Variants in PROSER2 observed in about 807,000 individuals in gnomAD.
PROSER2 encodes proline and serine rich 2, also known as proline and serine-rich protein 2.
PROSER2 carries 18 observed loss-of-function variants against 14.6 expected under a neutral mutation model. The observed-to-expected ratio is 1.23, with a 90% CI of 0.85 to 1.83. The LOEUF is 1.83. PROSER2 is among the 40% of genes most tolerant of loss of function. The probability of loss-of-function intolerance (pLI) is 0.00; values close to 1 mark genes in which losing one functional copy is unlikely to be tolerated. For synonymous variants in PROSER2, 367 were observed against 286.4 expected, an observed-to-expected ratio of 1.28 and a Z score of -2.84; for missense variants, 823 against 629.8, an observed-to-expected ratio of 1.31 and a Z score of -3.28.
chr10:11,869,597 AC>A lies in PROSER2; in HGVS notation c.504del (p.Asp169IlefsTer184), dbSNP rs1174001452. On this transcript the variant is annotated frameshift_variant, in exon 4 of 4. Transcript: ENST00000277570. LOFTEE classifies it low-confidence loss of function (END_TRUNC). The surrounding 1 kb of genome is among the most constrained non-coding windows in gnomAD (Gnocchi z 4.4). ...TLLAPPPLPS[T>X]PDPPRRELRA... ...TCTTGCGCCACCACCCCTGCCTAGC[AC>A]CCCCGATCCCCCCAGGAGGGAGCTG... The A allele has an allele frequency of 5.0e-6, 8 of 1,591,330 alleles. No individual in the cohort carries two copies. The highest frequency in any genetic ancestry group is 6.9e-6 in the Non-Finnish European group (8 of 1,166,794).
At chr10:11,840,436 C>T (rs1020836574) in intron 1 of PROSER2, among the ~76,000 whole-genome samples, 3 of 152,066 alleles carry the variant, frequency 2.0e-5, no homozygotes, top group African/African-American at 7.2e-5. Context: ...TGCTACATCA[C>T]GTTGGAAAAT....
At chr10:11,829,993 G>T (rs1833669963) in intron 1 of PROSER2, among the ~76,000 whole-genome samples, 1 of 151,888 alleles carries the variant, frequency 6.6e-6, no homozygotes, top group Non-Finnish European at 1.5e-5. Flanking sequence ...ACAGGCGTGT[G>T]CCCCCATGCC....
At chr10:11,829,999 A>C (rs1207440776) in intron 1 of PROSER2, among the ~76,000 whole-genome samples, 1 of 151,722 alleles carries the variant, frequency 6.6e-6, no homozygotes. Context: ...GTGTGCCCCC[A>C]TGCCTGGCTA....
Position 11,870,335 on chromosome 10 carries a change from G to A in PROSER2, c.1237G>A (p.Gly413Ser), listed in dbSNP as rs1834458255. Residue 413 changes from glycine (G) to serine (S), a missense_variant, in exon 4 of 4, where the codon GGC (glycine) becomes AGC (serine). Physicochemically the swap from Gly to Ser is moderately conservative, Grantham distance 56. Coordinates refer to ENST00000277570, the MANE Select transcript of PROSER2 (RefSeq NM_153256.4). ...RPQGITVQFA[G>S]RGSSEEARRE... Reference sequence around the variant, plus strand: ...CCAGGGCATCACCGTGCAGTTCGCGGGCCGCGGCTCCTCGGAGGAGGCGCG... The same window carrying A: ...CCAGGGCATCACCGTGCAGTTCGCGAGCCGCGGCTCCTCGGAGGAGGCGCG... 1 of 1,506,198 alleles carries A rather than the reference G, an allele frequency of 6.6e-7. No homozygotes were observed. 93.3% of individuals were successfully genotyped at this position (1,506,198 alleles called of 1,614,324 possible).
chr10:11,844,925 C>T (rs73584750), intron 1 of PROSER2, among the ~76,000 whole-genome samples: 12 of 152,298 alleles, frequency 7.9e-5, no homozygotes, highest in African/African-American at 2.9e-4. Flanking sequence ...CCCAGCCTTC[C>T]GCATTCTTTA....
At chr10:11,861,510 G>A (rs1395046597) in intron 2 of PROSER2, among the ~76,000 whole-genome samples, 1 of 152,104 alleles carries the variant, frequency 6.6e-6, no homozygotes. Context: ...TGTGGGGGTG[G>A]GCTGAGGTTT....
At chr10:11,829,230 G>T (rs1281889544) in intron 1 of PROSER2, among the ~76,000 whole-genome samples, 2 of 151,674 alleles carry the variant, frequency 1.3e-5, no homozygotes. Flanking sequence ...ATGAACAAGG[G>T]GAAGACACCT....
At chr10:11,857,768 A>G (rs1834150873) in intron 2 of PROSER2, among the ~76,000 whole-genome samples, 1 of 150,392 alleles carries the variant, frequency 6.6e-6, no homozygotes, top group Admixed American at 6.7e-5. Context: ...AAAAAAAGAA[A>G]CCCTAATTAA....
chr10:11,827,642 A>G (rs1833634112), intron 1 of PROSER2, among the ~76,000 whole-genome samples: 1 of 150,710 alleles, frequency 6.6e-6, no homozygotes, highest in South Asian at 2.1e-4. Flanking sequence ...CAATGTGCCA[A>G]GCTGTTGAGC....
At position 11,830,117 on chromosome 10, in the gene PROSER2, A is replaced by G. The variant is rs1051662656; in HGVS notation, c.-82+6647A>G. Among the ~76,000 whole-genome samples the G allele has an allele frequency of 2.0e-5, 3 of 152,132 alleles. No homozygotes were observed. The highest frequency in any genetic ancestry group is 1.9e-4 in the East Asian group (1 of 5,188). On this transcript the variant is annotated intron_variant, in intron 1 of 3. Coordinates refer to ENST00000277570, the MANE Select transcript of PROSER2 (RefSeq NM_153256.4). The surrounding 1 kb of genome is among the most constrained non-coding windows in gnomAD (Gnocchi z 4.5). ...CTCAGCCTCCCAAAGTGCCGGGATT[A>G]CAGGTGTGAGCCACTGTGCCAGCCA...
At chr10:11,852,319 A>C in intron 2 of PROSER2, 104 bp downstream of exon 2, 1 of 1,255,724 alleles carries the variant, frequency 8.0e-7, no homozygotes, top group South Asian at 1.6e-5. Context: ...TTTTGGGTCA[A>C]CTAGCTTGAT....
chr10:11,843,311 G>A (rs1356806721), intron 1 of PROSER2, among the ~76,000 whole-genome samples: 1 of 151,334 alleles, frequency 6.6e-6, no homozygotes, highest in Non-Finnish European at 1.5e-5. Context: ...CCAGCACTTT[G>A]GGAGGCAGAG....
chr10:11,833,297 A>G (rs1302872951), intron 1 of PROSER2, among the ~76,000 whole-genome samples: 1 of 121,200 alleles, frequency 8.3e-6, no homozygotes, highest in East Asian at 2.8e-4. Flanking sequence ...TGTAGTCCCA[A>G]CTCGGGAAGC....
chr10:11,869,892 G>A lies in PROSER2; in HGVS notation c.794G>A (p.Arg265Gln), dbSNP rs753588585. 17 of 1,589,170 alleles carry A rather than the reference G, an allele frequency of 1.1e-5. No individual in the cohort carries two copies. The highest frequency in any genetic ancestry group is 3.8e-4 in the Middle Eastern group (2 of 5,214). ...SNIIVTNGAA[R>Q]EPRRTLSRAA... Reference sequence around the variant, plus strand: ...ATCATCGTCACCAACGGCGCGGCCCGGGAGCCCCGCAGGACCCTGTCCAGG... The same window carrying A: ...ATCATCGTCACCAACGGCGCGGCCCAGGAGCCCCGCAGGACCCTGTCCAGG... The change falls in exon 4 of 4, where the codon CGG (arginine) becomes CAG (glutamine). Residue 265 changes from arginine to glutamine, a missense_variant. By Grantham distance (43) the Arg-to-Gln change is conservative (BLOSUM62 1). Coordinates refer to ENST00000277570, the MANE Select transcript of PROSER2 (RefSeq NM_153256.4). This position sits in a 1 kb window ranked among gnomAD's most constrained non-coding sequence, Gnocchi z 4.4.
chr10:11,870,041 C>G lies in PROSER2; in HGVS notation c.943C>G (p.Arg315Gly), dbSNP rs1391677259. Residue 315 changes from arginine to glycine, a missense_variant, in exon 4 of 4, where the codon CGG (arginine) becomes GGG (glycine). Transcript: ENST00000277570. ...GAPGGGSSPE[R>G]VARGRGLPGP... The stretch of plus-strand genomic sequence containing the variant: ...CCCAGGGGGCGGCTCCTCCCCGGAG[C>G]GGGTGGCGCGTGGCCGGGGCCTGCC... 8.1e-7 allele frequency: 1 copy of G among 1,234,710 alleles called. No individual in the cohort carries two copies. The highest frequency in any genetic ancestry group is 1.0e-6 in the Non-Finnish European group (1 of 989,462). The allele number at this position is 1,234,710 out of a possible 1,614,324, so 76.5% of individuals were successfully genotyped here.
chr10:11,841,894 T>C (rs1258333032), intron 1 of PROSER2, among the ~76,000 whole-genome samples: 1 of 152,150 alleles, frequency 6.6e-6, no homozygotes, highest in Non-Finnish European at 1.5e-5. Flanking sequence ...AAACTTCCCA[T>C]TATATTGTTT....
chr10:11,844,927 CA>C (rs1187490967), intron 1 of PROSER2, among the ~76,000 whole-genome samples: 1 of 152,188 alleles, frequency 6.6e-6, no homozygotes, highest in African/African-American at 2.4e-5. Context: ...CAGCCTTCCG[CA>C]TTCTTTATAC....
intron 1 of PROSER2, among the ~76,000 whole-genome samples, chr10:11,829,413 C>T (rs1185956534): frequency 6.6e-6 from 1 of 151,144 alleles, no homozygotes; most frequent in African/African-American, 2.4e-5. Flanking sequence ...AGGGAGACCC[C>T]CATCTACAAA....
intron 2 of PROSER2, among the ~76,000 whole-genome samples, chr10:11,854,162 C>T (rs1834079912): frequency 6.6e-6 from 1 of 152,196 alleles, no homozygotes; most frequent in Admixed American, 6.5e-5. Context: ...TCCCCTCAGG[C>T]CTGTTAACTG....
Sources: allele counts gnomAD v4.1 joint callset (sites outside exome capture counted in the v4.1 genomes callset), GRCh38; gene constraint gnomAD v4.1.1; non-coding constraint Gnocchi (gnomAD v3.1); transcripts MANE v1.5; gene names NCBI Gene and HGNC (gene_info 2026-07-23, HGNC 2026-07-21).